SUGCT: variants seen among roughly 807,000 people sequenced by gnomAD.
SUGCT encodes the protein succinyl-CoA:glutarate CoA-transferase.
A neutral mutation model predicts 55.0 loss-of-function variants in SUGCT; 41 were observed. That is an observed-to-expected ratio of 0.74 (90% CI 0.58 to 0.97). The LOEUF is 0.97. Ranked by LOEUF, SUGCT falls within the 50% of genes least tolerant of loss-of-function variation. SUGCT has a pLI of 0.00. For synonymous variants in SUGCT, 187 were observed against 200.4 expected (o/e 0.93, Z 0.56); for missense variants, 568 against 547.8 (o/e 1.04, Z -0.37).
chr7:40,851,331 AT>A (rs1793840965), intron 13 of SUGCT, among the ~76,000 whole-genome samples: 1 of 151,506 alleles, frequency 6.6e-6, no homozygotes, highest in Non-Finnish European at 1.5e-5. Context: ...TAAAAAAAAA[AT>A]GTTTAATGTT....
chr7:40,583,445 A>T (rs2151715977), intron 12 of SUGCT, among the ~76,000 whole-genome samples: 1 of 152,268 alleles, frequency 6.6e-6, no homozygotes, highest in African/African-American at 2.4e-5. Context: ...ATTGAAAATC[A>T]CATATCCTTT....
At chr7:40,693,189 A>G (rs560095690) in intron 12 of SUGCT, among the ~76,000 whole-genome samples, 23 of 152,260 alleles carry the variant, frequency 1.5e-4, no homozygotes, top group Admixed American at 8.5e-4. Context: ...AGTGATTATG[A>G]GCCTGGGCTT....
intron 6 of SUGCT, among the ~76,000 whole-genome samples, chr7:40,211,115 C>T (rs975254541): frequency 3.3e-5 from 5 of 151,546 alleles, no homozygotes; most frequent in Non-Finnish European, 7.4e-5. Context: ...GCTGGTATTA[C>T]AGGCACCTGC....
At chr7:40,935,166 ATTTG>A in the SUGCT span, among the ~76,000 whole-genome samples, 1 of 152,204 alleles carries the variant, frequency 6.6e-6, no homozygotes, top group Admixed American at 6.5e-5. Flanking sequence ...CAAATTGTCT[ATTTG>A]TTGATTCTGC....
the SUGCT span, among the ~76,000 whole-genome samples, chr7:40,937,331 G>A: frequency 6.6e-6 from 1 of 152,114 alleles, no homozygotes; most frequent in African/African-American, 2.4e-5. Context: ...ACTATGCCCA[G>A]CAAATTTTTT....
chr7:40,231,029 G>A (rs545124419), intron 6 of SUGCT, among the ~76,000 whole-genome samples: 8 of 152,232 alleles, frequency 5.3e-5, no homozygotes, highest in East Asian at 1.9e-4. Flanking sequence ...TTCTAGATAC[G>A]GGAATTTCCA....
At chr7:40,182,638 C>T (rs569960414) in intron 3 of SUGCT, among the ~76,000 whole-genome samples, 1 of 151,878 alleles carries the variant, frequency 6.6e-6, no homozygotes, top group Non-Finnish European at 1.5e-5. Context: ...CCTACAGTGC[C>T]GGGGCAAAGT....
At chr7:40,492,681 A>G (rs149051691) in intron 11 of SUGCT, among the ~76,000 whole-genome samples, 1 of 152,246 alleles carries the variant, frequency 6.6e-6, no homozygotes, top group Non-Finnish European at 1.5e-5. Context: ...CATCTTTCAT[A>G]TGTCTAATTC....
intron 12 of SUGCT, among the ~76,000 whole-genome samples, chr7:40,575,125 T>TGGGGGGGGGGG (rs1491375845): frequency 6.6e-5 from 9 of 137,002 alleles, no homozygotes; most frequent in African/African-American, 2.2e-4. Context: ...GTGGCGGGGG[T>TGGGGGGGGGGG]GGGGGTGGAG....
intron 10 of SUGCT, among the ~76,000 whole-genome samples, chr7:40,453,450 C>T (rs62451202): frequency 6.6e-6 from 1 of 152,214 alleles, no homozygotes; most frequent in Non-Finnish European, 1.5e-5. Flanking sequence ...CTTGGGATCA[C>T]CCCTTACTTG....
At chr7:40,637,624 G>T (rs1297476558) in intron 12 of SUGCT, among the ~76,000 whole-genome samples, 1 of 152,194 alleles carries the variant, frequency 6.6e-6, no homozygotes, top group East Asian at 1.9e-4. Flanking sequence ...TCAGCGTGAT[G>T]GTCCTCTGGT....
At chr7:40,750,890 A>G (rs1044119841) in intron 13 of SUGCT, among the ~76,000 whole-genome samples, 4 of 152,206 alleles carry the variant, frequency 2.6e-5, no homozygotes, top group African/African-American at 9.6e-5. Context: ...ATTACTGAGT[A>G]TATACTATGT....
In SUGCT at chr7:40,565,991, A is replaced by G. The variant is rs565326970; in HGVS notation, c.1089+69605A>G. On this transcript the variant is annotated intron_variant, in intron 12 of 13. Coordinates refer to ENST00000335693, the MANE Select transcript of SUGCT (RefSeq NM_001193313.2). Reference sequence around the variant, plus strand: ...ATCACACACACACACACACACACACACGCACACACACACACACACACACAC... The same window carrying G: ...ATCACACACACACACACACACACACGCGCACACACACACACACACACACAC... 4.2e-3 allele frequency among the ~76,000 whole-genome samples: 413 copies of G among 98,640 alleles called. 2 individuals carry two copies. Among genetic ancestry groups the G allele is most frequent in the African/African-American group, 0.018 (354 of 20,108 alleles). 64.7% of individuals were successfully genotyped at this position (98,640 alleles called of 152,430 possible). A position where few individuals can be genotyped will look rare whatever the true frequency, so the allele number is the denominator to read the frequency against.
intron 1 of SUGCT, among the ~76,000 whole-genome samples, chr7:40,159,950 T>G (rs1784067928): frequency 6.6e-6 from 1 of 152,204 alleles, no homozygotes. Context: ...TGTGTTTCTA[T>G]ATCTATTTTT....
the SUGCT span, chr7:40,980,070 G>C: frequency 6.6e-6 from 1 of 152,212 alleles, no homozygotes; most frequent in South Asian, 2.1e-4. Context: ...TTGTTCCCCA[G>C]TGAAGGCTCT....
chr7:40,377,205 TTTC>T lies in SUGCT; in HGVS notation c.816+60353_816+60355del, dbSNP rs1164901125. On this transcript the variant is annotated intron_variant, in intron 9 of 13. Coordinates refer to ENST00000335693, the MANE Select transcript of SUGCT (RefSeq NM_001193313.2). ...TTCTTTCTTTCTTTCTTTCTTTTCTTTTCTTTTCTTTCTTTTCTTTCTTTCTTC... is the reference window on the plus strand; with the variant it reads ...TTCTTTCTTTCTTTCTTTCTTTTCTTTTTTCTTTCTTTTCTTTCTTTCTTC... 0.02 allele frequency among the ~76,000 whole-genome samples: 111 copies of T among 5,438 alleles called. No homozygotes were observed. The Middle Eastern group carries it at 0.33, about 16-fold the overall frequency. The allele number at this position is 5,438 out of a possible 152,430, so 3.6% of individuals were successfully genotyped here.
At chr7:40,393,274 G>A (rs1236342884) in intron 9 of SUGCT, among the ~76,000 whole-genome samples, 1 of 152,116 alleles carries the variant, frequency 6.6e-6, no homozygotes, top group Non-Finnish European at 1.5e-5. Flanking sequence ...ATGGTATGTG[G>A]TATCAGAGAA....
chr7:40,967,992 C>G, the SUGCT span: 1 of 152,154 alleles, frequency 6.6e-6, no homozygotes, highest in Non-Finnish European at 1.5e-5. Context: ...ACCTGTGGAT[C>G]ATAATTTTAA....
chr7:40,753,771 C>G (rs889920305), intron 13 of SUGCT, among the ~76,000 whole-genome samples: 1 of 152,136 alleles, frequency 6.6e-6, no homozygotes, highest in Non-Finnish European at 1.5e-5. Context: ...ATTAAAGATA[C>G]TGGTCAACTC....
Sources: allele counts gnomAD v4.1 joint callset (sites outside exome capture counted in the v4.1 genomes callset), GRCh38; gene constraint gnomAD v4.1.1; transcripts MANE v1.5; gene names NCBI Gene and HGNC (gene_info 2026-07-23, HGNC 2026-07-21).